Variants in SCNN1B observed in about 807,000 individuals in gnomAD.
SCNN1B encodes sodium channel epithelial 1 subunit beta, also known as epithelial sodium channel subunit beta.
Under a neutral mutation model 65.3 loss-of-function variants are expected in SCNN1B, and 46 were observed. The ratio of observed to expected loss-of-function variants is 0.70; its 90% CI spans 0.56 to 0.90. The LOEUF (loss-of-function observed/expected upper bound fraction) is 0.90, where lower values mean the gene tolerates loss of function less well. SCNN1B is among the 40% of genes least tolerant of loss of function. The pLI, the probability that SCNN1B is intolerant of heterozygous loss-of-function variation, is 0.00. For synonymous variants in SCNN1B, 349 were observed against 330.6 expected (o/e 1.06, Z -0.60); for missense variants, 751 against 830.5 (o/e 0.90, Z 1.18).
intron 1 of SCNN1B, among the ~76,000 whole-genome samples, chr16:23,342,062 A>G (rs987756066): frequency 1.3e-5 from 2 of 152,366 alleles, no homozygotes; most frequent in Non-Finnish European, 2.9e-5. Flanking sequence ...TTATCATAAC[A>G]GCCAAAAAGT....
chr16:23,341,067 C>T (rs1013117319), intron 1 of SCNN1B, among the ~76,000 whole-genome samples: 3 of 152,130 alleles, frequency 2.0e-5, no homozygotes, highest in African/African-American at 2.4e-5. Flanking sequence ...CTAGAGATTA[C>T]GTGTGAGTTG....
chr16:23,291,556 C>T lies in SCNN1B; in HGVS notation n.178+7752C>T, dbSNP rs1457072591. On this transcript the variant is annotated intron_variant and non_coding_transcript_variant, in intron 2 of 3. Coordinates refer to the SCNN1B transcript ENST00000569789. ...TTTGTATCCTTCTAAAACATTGTCT[C>T]TGCATTTATTTTATTTATTTTTTAT... is the stretch of plus-strand genomic sequence containing the variant. 6.6e-5 allele frequency among the ~76,000 whole-genome samples: 10 copies of T among 151,128 alleles called. No individual in the cohort carries two copies. In the Admixed American group the frequency reaches 6.6e-4, roughly 10 times the overall value.
intron 1 of SCNN1B, among the ~76,000 whole-genome samples, chr16:23,305,868 T>C (rs1171755074): frequency 6.6e-6 from 1 of 151,908 alleles, no homozygotes; most frequent in African/African-American, 2.4e-5. Context: ...CCACCCCTCA[T>C]TCATAAAGAG....
chr16:23,280,268 A>C (rs1037845338), intron 1 of SCNN1B, among the ~76,000 whole-genome samples: 5 of 151,564 alleles, frequency 3.3e-5, no homozygotes, highest in African/African-American at 1.2e-4. Context: ...TCTGTCACCC[A>C]GGCTGGAGTG....
chr16:23,372,084 C>T (rs1962797750), intron 7 of SCNN1B: 1 of 634,344 alleles, frequency 1.6e-6, no homozygotes, highest in African/African-American at 1.8e-5. Flanking sequence ...CACTTCTCAT[C>T]CCCACATTGG....
At chr16:23,343,507 GAA>G (rs1491235816) in intron 1 of SCNN1B, among the ~76,000 whole-genome samples, 97 of 69,436 alleles carry the variant, frequency 1.4e-3, no homozygotes, top group Middle Eastern at 8.8e-3. Flanking sequence ...AGGAAGGAAG[GAA>G]AAGGAAGGAA....
intron 1 of SCNN1B, among the ~76,000 whole-genome samples, chr16:23,323,997 T>C (rs1479563853): frequency 6.6e-6 from 1 of 152,106 alleles, no homozygotes; most frequent in Non-Finnish European, 1.5e-5. Context: ...GCTGAGAGCT[T>C]TATATGCATT....
chr16:23,303,887 C>G, intron 1 of SCNN1B: 3 of 667,846 alleles, frequency 4.5e-6, no homozygotes, highest in Non-Finnish European at 8.1e-6. Flanking sequence ...CCATTGCACT[C>G]TAGCCTGAGT....
At position 23,315,646 on chromosome 16, in the gene SCNN1B, TTC is replaced by T. The variant is rs1423385571; in HGVS notation, c.-9+13211_-9+13212del. On this transcript the variant is annotated intron_variant, in intron 1 of 12. Coordinates refer to ENST00000343070, the MANE Select transcript of SCNN1B (RefSeq NM_000336.3). The stretch of plus-strand genomic sequence containing the variant: ...AACATAGTGAGACTCTCTCTATAAA[TTC>T]TTTTTCTTAATTAGCCACATGTTGT... Among the ~76,000 whole-genome samples, 3 of 151,902 alleles carry T rather than the reference TTC, an allele frequency of 2.0e-5. No homozygotes were observed. The East Asian group carries it at 5.8e-4, about 30-fold the overall frequency.
Position 23,352,984 on chromosome 16 carries a change from T to A in SCNN1B, c.495T>A (p.Asp165Glu), listed in dbSNP as rs747388524. The A allele has an allele frequency of 6.2e-7, 1 of 1,614,092 alleles. No homozygotes were observed. The highest frequency in any genetic ancestry group is 1.1e-5 in the South Asian group (1 of 91,080). ...ERNPHHPMVLDLFGDNHNGLT... is the reference protein window; with the variant it reads ...ERNPHHPMVLELFGDNHNGLT... ...ACCCCCACCACCCCATGGTCCTTGATCTCTTTGGAGACAACCACAATGGCT... is the reference window on the plus strand; with the variant it reads ...ACCCCCACCACCCCATGGTCCTTGAACTCTTTGGAGACAACCACAATGGCT... The change falls in exon 3 of 13, where the codon GAT (aspartate) becomes GAA (glutamate). Residue 165 changes from aspartate to glutamate, a missense_variant. Asp to Glu is a conservative substitution (Grantham distance 45, BLOSUM62 2). Transcript: ENST00000343070.
chr16:23,304,114 T>C, intron 1 of SCNN1B: 1 of 1,526,268 alleles, frequency 6.6e-7, no homozygotes, highest in Non-Finnish European at 8.8e-7. Context: ...TGGTTTTTAT[T>C]TCAGCATCTT....
intron 1 of SCNN1B, among the ~76,000 whole-genome samples, chr16:23,278,866 G>C (rs1171069270): frequency 2.0e-5 from 3 of 152,052 alleles, no homozygotes; most frequent in African/African-American, 7.2e-5. Context: ...CTTGAGCACA[G>C]AAGTTGGGGG....
rs80027401 is a variant in SCNN1B, at chr16:23,348,746, A to G, written c.147A>G (p.Lys49=). Reference sequence around the variant, plus strand: ...TCATCTGTGAGGGGCCCAAGAAGAAAGCCATGTGGTTCCTGCTCACCCTGC... The same window carrying G: ...TCATCTGTGAGGGGCCCAAGAAGAAGGCCATGTGGTTCCTGCTCACCCTGC... ...KRIICEGPKK[K]AMWFLLTLLF... is the part of the protein sequence containing the mutation. Residue 49 remains lysine, a synonymous_variant, in exon 2 of 13, where the codon AAA becomes AAG. Transcript: ENST00000343070. The surrounding 1 kb of genome is among the most constrained non-coding windows in gnomAD (Gnocchi z 4.5). 385 of 1,614,150 alleles carry G rather than the reference A, an allele frequency of 2.4e-4. 1 individual carries two copies. In the African/African-American group the frequency reaches 4.7e-3, roughly 20 times the overall value.
rs1465763480 is a variant in SCNN1B, at chr16:23,371,583, C to T, written c.1044+121C>T. On this transcript the variant is annotated intron_variant, in intron 6 of 12. Coordinates refer to ENST00000343070, the MANE Select transcript of SCNN1B (RefSeq NM_000336.3). ...GGCCCCCCAGCCCTGGCCTTCCTTC[C>T]TTTTGGCTGGAATCCCCCCAGGGTG... 81 of 1,185,524 alleles carry T rather than the reference C, an allele frequency of 6.8e-5. No homozygotes were observed. The East Asian group carries it at 2.0e-3, about 29-fold the overall frequency. 73.4% of individuals were successfully genotyped at this position (1,185,524 alleles called of 1,614,324 possible).
At chr16:23,343,647 G>A (rs4967998) in intron 1 of SCNN1B, among the ~76,000 whole-genome samples, 2,763 of 108,716 alleles carry the variant, frequency 0.025, 31 homozygotes, top group African/African-American at 0.04. Context: ...AAGAAAGAAA[G>A]AAAAAAAGAA....
At chr16:23,321,521 A>G (rs1961587314) in intron 1 of SCNN1B, among the ~76,000 whole-genome samples, 1 of 152,178 alleles carries the variant, frequency 6.6e-6, no homozygotes, top group Admixed American at 6.6e-5. Flanking sequence ...TGGGAAAGGC[A>G]GGGGTATTAG....
chr16:23,295,462 A>G (rs1384699093), intron 2 of SCNN1B, among the ~76,000 whole-genome samples: 4 of 151,912 alleles, frequency 2.6e-5, no homozygotes, highest in African/African-American at 9.7e-5. Flanking sequence ...CAATCCTCCC[A>G]TATCAGCCTC....
chr16:23,336,688 A>G (rs1961950035), intron 1 of SCNN1B, among the ~76,000 whole-genome samples: 1 of 152,002 alleles, frequency 6.6e-6, no homozygotes, highest in Non-Finnish European at 1.5e-5. Context: ...TTTTTTTTCA[A>G]TGATTCTCAG....
At chr16:23,365,611 A>AAGAG (rs1483991687) in intron 4 of SCNN1B, among the ~76,000 whole-genome samples, 3 of 68,162 alleles carry the variant, frequency 4.4e-5, no homozygotes, top group South Asian at 1.3e-3. Context: ...GAAAGAAAGA[A>AAGAG]AGAAAGAAAA....
Sources: gnomAD v4.1 joint callset for allele counts (sites outside exome capture counted in the v4.1 genomes callset) on GRCh38, gnomAD v4.1.1 for gene constraint, Gnocchi (gnomAD v3.1) non-coding constraint, MANE v1.5 for transcripts, NCBI Gene and HGNC (gene_info 2026-07-23, HGNC 2026-07-21) for gene names.